Variants in RANBP2 observed in about 807,000 individuals in gnomAD.
RANBP2 encodes the protein RAN binding protein 2, also known as E3 SUMO-protein ligase RanBP2.
Under a neutral mutation model 303.6 loss-of-function variants are expected in RANBP2, and 57 were observed. The ratio of observed to expected loss-of-function variants is 0.19; its 90% CI spans 0.15 to 0.23. The LOEUF is 0.23. RANBP2 is among the 10% of genes least tolerant of loss of function. The pLI is 1.00. For missense variants in RANBP2, 3,138 were observed against 3,780.8 expected, an observed-to-expected ratio of 0.83 and a Z score of 4.46; for synonymous variants, 1,167 against 1,301.5, an observed-to-expected ratio of 0.90 and a Z score of 2.23.
the RANBP2 span, chr2:108,923,576 CCCA>C: frequency 1.2e-6 from 1 of 801,466 alleles, no homozygotes. Context: ...TGAGGCCACG[CCCA>C]CTCAGTCACC....
At chr2:109,564,319 CCTCT>C in the RANBP2 span, 5 of 1,440,512 alleles carry the variant, frequency 3.5e-6, no homozygotes, top group South Asian at 7.0e-5. Context: ...AATATGCAAT[CCTCT>C]CTAACTTCCT....
chr2:109,084,369 A>G, the RANBP2 span, among the ~76,000 whole-genome samples: 13 of 152,342 alleles, frequency 8.5e-5, no homozygotes, highest in South Asian at 2.3e-3. Context: ...CTGATTTTCA[A>G]GTGAGAAAGG....
the RANBP2 span, among the ~76,000 whole-genome samples, chr2:109,063,228 G>C: frequency 1.3e-5 from 2 of 152,142 alleles, no homozygotes; most frequent in African/African-American, 4.8e-5. Context: ...GTATATCCCC[G>C]GGGGCTGGGA....
chr2:109,522,343 G>A, the RANBP2 span, among the ~76,000 whole-genome samples: 1 of 150,788 alleles, frequency 6.6e-6, no homozygotes, highest in Non-Finnish European at 1.5e-5. Flanking sequence ...CCAGGCTTGA[G>A]TGCGATGGCG....
chr2:108,734,346 A>AGG lies in RANBP2; in HGVS notation c.406-1185_406-1184insGG, dbSNP rs200751252. 9.9e-3 allele frequency among the ~76,000 whole-genome samples: 1,502 copies of AGG among 152,322 alleles called. 12 individuals carry two copies. The highest frequency in any genetic ancestry group is 0.051 in the Middle Eastern group (15 of 294). The stretch of plus-strand genomic sequence containing the variant: ...GAGGAAATAGGAGGTGTGAAGTGTC[A>AGG]GAGTGGAGAAAGTGAGTATTAGTAC... On this transcript the variant is annotated intron_variant, in intron 4 of 28. Transcript: ENST00000283195.
the RANBP2 span, among the ~76,000 whole-genome samples, chr2:108,894,124 G>A: frequency 1.3e-5 from 2 of 151,952 alleles, no homozygotes; most frequent in Admixed American, 6.6e-5. Flanking sequence ...ACTAACCCCC[G>A]AGCTATGATA....
chr2:109,151,673 G>T, the RANBP2 span, among the ~76,000 whole-genome samples: 1 of 152,204 alleles, frequency 6.6e-6, no homozygotes, highest in Non-Finnish European at 1.5e-5. Context: ...ACACTTCCCG[G>T]TTTCCAGGGC....
chr2:108,758,147 AT>A (rs1676456270), intron 17 of RANBP2, among the ~76,000 whole-genome samples: 1 of 152,094 alleles, frequency 6.6e-6, no homozygotes, highest in Non-Finnish European at 1.5e-5. Flanking sequence ...TACACAAAAA[AT>A]TAGCCAGGCG....
the RANBP2 span, among the ~76,000 whole-genome samples, chr2:109,565,324 G>A: frequency 1.3e-5 from 2 of 152,040 alleles, no homozygotes; most frequent in Non-Finnish European, 2.9e-5. Flanking sequence ...TCATTATAAT[G>A]TCAGCTAAAT....
At chr2:109,149,607 CAGCTG>C in the RANBP2 span, among the ~76,000 whole-genome samples, 1 of 152,184 alleles carries the variant, frequency 6.6e-6, no homozygotes, top group African/African-American at 2.4e-5. Flanking sequence ...AGCAGGAGGA[CAGCTG>C]AGCATCTCCC....
At chr2:108,787,023 C>G (rs1183204996), downstream of RANBP2, 10 of 592,954 alleles carry the variant, frequency 1.7e-5, no homozygotes, top group Non-Finnish European at 2.5e-5. Context: ...TGGTCCCGGC[C>G]CCGGCACTCC....
chr2:108,728,568 G>T (rs1694913794), intron 1 of RANBP2, among the ~76,000 whole-genome samples: 1 of 151,220 alleles, frequency 6.6e-6, no homozygotes, highest in Non-Finnish European at 1.5e-5. Flanking sequence ...TAGAATTAAA[G>T]GTGTGACCAA....
At chr2:109,415,867 C>G in the RANBP2 span, among the ~76,000 whole-genome samples, 4,547 of 152,284 alleles carry the variant, frequency 0.03, 208 homozygotes, top group African/African-American at 0.097. Flanking sequence ...CCAGGCGCAG[C>G]ACTGAGAGGT....
the RANBP2 span, among the ~76,000 whole-genome samples, chr2:109,112,995 C>G: frequency 6.6e-6 from 1 of 152,100 alleles, no homozygotes; most frequent in Non-Finnish European, 1.5e-5. Context: ...TGATCTATAT[C>G]TCTGTTTTGG....
chr2:109,762,350 C>T, the RANBP2 span, among the ~76,000 whole-genome samples: 20 of 150,312 alleles, frequency 1.3e-4, 6 homozygotes, highest in East Asian at 3.2e-3. Context: ...TGGTTTCTGG[C>T]GCAAATTCAA....
At chr2:108,930,942 G>A in the RANBP2 span, 3 of 1,613,652 alleles carry the variant, frequency 1.9e-6, no homozygotes, top group Non-Finnish European at 1.7e-6. Flanking sequence ...TGCTGTGGGG[G>A]TAAGGGGCTC....
chr2:109,554,171 G>C, the RANBP2 span, among the ~76,000 whole-genome samples: 3 of 152,134 alleles, frequency 2.0e-5, no homozygotes, highest in African/African-American at 7.2e-5. Context: ...TGGTGCATCA[G>C]TGAGTGATGG....
chr2:109,538,338 GTGAAGTCCTGTT>G, the RANBP2 span, among the ~76,000 whole-genome samples: 1 of 152,172 alleles, frequency 6.6e-6, no homozygotes. Context: ...AACCACATCT[GTGAAGTCCTGTT>G]TGACAGGAAG....
At chr2:109,287,927 G>A in the RANBP2 span, among the ~76,000 whole-genome samples, 1 of 152,210 alleles carries the variant, frequency 6.6e-6, no homozygotes, top group East Asian at 1.9e-4. Context: ...TCTACATCCA[G>A]GACCTGCCTG....
Sources: gnomAD v4.1 joint callset for allele counts (sites outside exome capture counted in the v4.1 genomes callset) on GRCh38, gnomAD v4.1.1 for gene constraint, MANE v1.5 for transcripts, NCBI Gene and HGNC (gene_info 2026-07-23, HGNC 2026-07-21) for gene names.